The following ZNF573 variants were observed in gnomAD, a reference collection of about 807,000 sequenced individuals.
The protein encoded by ZNF573 is zinc finger protein 573.
A neutral mutation model predicts 57.4 loss-of-function variants in ZNF573; 41 were observed. That is an observed-to-expected ratio of 0.71 (90% CI 0.56 to 0.93). ZNF573 has a LOEUF of 0.93. ZNF573 is among the 40% of genes least tolerant of loss of function. The pLI is 0.00. For missense variants in ZNF573, 730 were observed against 794.8 expected (o/e 0.92, Z 0.98); for synonymous variants, 249 against 261.0 (o/e 0.95, Z 0.44).
chr19:37,761,680 A>G (rs2045554839), intron 4 of ZNF573, among the ~76,000 whole-genome samples: 1 of 152,206 alleles, frequency 6.6e-6, no homozygotes, highest in Admixed American at 6.5e-5. Context: ...GAACCTAGAC[A>G]GACAGGCCTT....
intron 4 of ZNF573, among the ~76,000 whole-genome samples, chr19:37,744,632 T>C (rs1428447869): frequency 1.3e-5 from 2 of 150,906 alleles, no homozygotes; most frequent in Non-Finnish European, 2.9e-5. Flanking sequence ...TCCCAGATAT[T>C]CGGGAGGGCA....
chr19:37,778,173 G>A (rs2045728796), intron 1 of ZNF573, among the ~76,000 whole-genome samples: 1 of 151,224 alleles, frequency 6.6e-6, no homozygotes, highest in East Asian at 2.0e-4. Context: ...TTGGTAAATT[G>A]GGAGAAAATG....
At position 37,769,993 on chromosome 19, in the gene ZNF573, T is replaced by C; in HGVS notation, c.295+12A>G. The C allele has an allele frequency of 6.5e-7, 1 of 1,550,130 alleles. No individual in the cohort carries two copies. The highest frequency in any genetic ancestry group is 1.2e-5 in the South Asian group (1 of 84,030). Reference sequence around the variant, plus strand: ...TGTGGCCGGCCCTGATGGTGTCCCCTGCCTTCCTTACCTGTGAACTGTGTT... The same window carrying C: ...TGTGGCCGGCCCTGATGGTGTCCCCCGCCTTCCTTACCTGTGAACTGTGTT... On this transcript the variant is annotated intron_variant, in intron 4 of 4. Coordinates refer to ENST00000536220, the MANE Select transcript of ZNF573 (RefSeq NM_001172690.2).
rs759873364 is a variant in ZNF573 at position 37,767,101 on chromosome 19, C to T, written c.295+2904G>A. On this transcript the variant is annotated intron_variant, in intron 4 of 4. Coordinates refer to ENST00000536220, the MANE Select transcript of ZNF573 (RefSeq NM_001172690.2). The stretch of plus-strand genomic sequence containing the variant: ...ATTTATAGGAGCATTGTGACCTGAC[C>T]GAGGACAACGTTGTGCAACCTTCTC... 2.6e-4 allele frequency among the ~76,000 whole-genome samples: 39 copies of T among 152,236 alleles called. 1 individual carries two copies. Among genetic ancestry groups the T allele is most frequent in the Middle Eastern group, 3.4e-3 (1 of 294 alleles).
chr19:37,738,615 A>G lies in ZNF573; in HGVS notation c.1875T>C (p.Leu625=). 1.2e-6 allele frequency: 2 copies of G among 1,611,708 alleles called. No homozygotes were observed. The highest frequency in any genetic ancestry group is 1.7e-6 in the Non-Finnish European group (2 of 1,178,960). The change falls in exon 5 of 5, where the codon CTT becomes CTC. Residue 625 remains leucine (L), a synonymous_variant. Coordinates refer to ENST00000536220, the MANE Select transcript of ZNF573 (RefSeq NM_001172690.2). ...CGKAFSRASN[L]VQHERIHTGE... ...CAGTATGAATTCTCTCATGTTGAACAAGGTTTGAAGCACGACTGAAGGCCT... is the reference window on the plus strand; with the variant it reads ...CAGTATGAATTCTCTCATGTTGAACGAGGTTTGAAGCACGACTGAAGGCCT...
chr19:37,750,236 C>A (rs1259029254), intron 4 of ZNF573, among the ~76,000 whole-genome samples: 3 of 152,034 alleles, frequency 2.0e-5, no homozygotes. Context: ...GCCTGCGCCA[C>A]CATGCCTCAC....
At chr19:37,770,860 A>ATATATATATATATATATATG (rs1568424276) in intron 3 of ZNF573, among the ~76,000 whole-genome samples, 18 of 101,080 alleles carry the variant, frequency 1.8e-4, no homozygotes, top group South Asian at 1.2e-3. Flanking sequence ...ATATATATAT[A>ATATATATATATATATATATG]TATATATATA....
intron 4 of ZNF573, among the ~76,000 whole-genome samples, chr19:37,767,381 A>C (rs901722581): frequency 6.6e-6 from 1 of 151,804 alleles, no homozygotes; most frequent in African/African-American, 2.4e-5. Context: ...GGCGCCCGCC[A>C]CCACGCCCAC....
At position 37,739,251 on chromosome 19, in the gene ZNF573, G is replaced by A. The variant is rs148621742; in HGVS notation, c.1239C>T (p.Pro413=). ...CCTTTCCGCATTCCTTGCATTCATAGGGTTTCTCGCCAGTATGAGTTTTCT... is the reference window on the plus strand; with the variant it reads ...CCTTTCCGCATTCCTTGCATTCATAAGGTTTCTCGCCAGTATGAGTTTTCT... ...QHQKTHTGEK[P]YECKECGKAF... The change falls in exon 5 of 5, where the codon CCC becomes CCT. Residue 413 remains proline, a synonymous_variant. Coordinates refer to ENST00000536220, the MANE Select transcript of ZNF573 (RefSeq NM_001172690.2). 7.7e-5 allele frequency: 124 copies of A among 1,613,776 alleles called. No homozygotes were observed. The African/African-American group carries it at 1.4e-3, about 19-fold the overall frequency.
At chr19:37,743,319 C>CAAAAAAAAAA (rs74174484) in intron 4 of ZNF573, among the ~76,000 whole-genome samples, 1 of 99,972 alleles carries the variant, frequency 1.0e-5, no homozygotes, top group Non-Finnish European at 1.9e-5. Flanking sequence ...GAATCCATCT[C>CAAAAAAAAAA]AAAAAAAAAA....
chr19:37,775,635 G>A (rs1225483525), intron 1 of ZNF573, among the ~76,000 whole-genome samples: 1 of 151,924 alleles, frequency 6.6e-6, no homozygotes, highest in African/African-American at 2.4e-5. Context: ...TTGATTAAGA[G>A]GAAGTCAAAC....
intron 4 of ZNF573, among the ~76,000 whole-genome samples, chr19:37,766,002 T>C (rs2045598663): frequency 6.6e-6 from 1 of 151,766 alleles, no homozygotes; most frequent in Non-Finnish European, 1.5e-5. Flanking sequence ...ATCACACCAT[T>C]GCATTTCAGC....
intron 4 of ZNF573, among the ~76,000 whole-genome samples, chr19:37,751,069 T>C (rs551827050): frequency 2.7e-5 from 4 of 149,704 alleles, no homozygotes; most frequent in Admixed American, 2.0e-4. Context: ...TATAGTATGG[T>C]ATATATACTG....
intron 4 of ZNF573, among the ~76,000 whole-genome samples, chr19:37,757,666 A>G (rs2045502687): frequency 6.6e-6 from 1 of 152,204 alleles, no homozygotes; most frequent in African/African-American, 2.4e-5. Flanking sequence ...TAGAAATACC[A>G]TTTGACCCAG....
At chr19:37,772,883 C>T (rs1168653220) in intron 2 of ZNF573, 2 of 917,360 alleles carry the variant, frequency 2.2e-6, no homozygotes, top group South Asian at 5.0e-5. Context: ...GATCCTCCCG[C>T]CTTGGCCTCC....
At chr19:37,755,872 G>A (rs549790168) in intron 4 of ZNF573, among the ~76,000 whole-genome samples, 1 of 148,804 alleles carries the variant, frequency 6.7e-6, no homozygotes, top group Admixed American at 6.7e-5. Flanking sequence ...AATGCAGTAA[G>A]AATAAAAGGC....
At chr19:37,766,447 T>C (rs1460217800) in intron 4 of ZNF573, among the ~76,000 whole-genome samples, 4 of 152,240 alleles carry the variant, frequency 2.6e-5, no homozygotes. Flanking sequence ...TCATTGTTCA[T>C]TACTGGAAGT....
intron 4 of ZNF573, among the ~76,000 whole-genome samples, chr19:37,752,977 G>A (rs1445570516): frequency 6.6e-6 from 1 of 152,032 alleles, no homozygotes; most frequent in Admixed American, 6.6e-5. Context: ...ATTTCAGGCT[G>A]GGTGTGGTAA....
At position 37,739,933 on chromosome 19, in the gene ZNF573, C is replaced by T. The variant is rs1314356869; in HGVS notation, c.557G>A (p.Gly186Asp). ...QLTLHQRFHT[G>D]EKPYECTECG... The stretch of plus-strand genomic sequence containing the variant: ...TTCTGTACATTCATAGGGTTTCTCA[C>T]CAGTATGAAATCTTTGATGTAGAGT... Residue 186 changes from glycine to aspartate, a missense_variant, in exon 5 of 5, where the codon GGT (glycine) becomes GAT (aspartate). Transcript: ENST00000536220. 6.2e-7 allele frequency: 1 copy of T among 1,614,184 alleles called. No homozygotes were observed. Among genetic ancestry groups the T allele is most frequent in the Non-Finnish European group, 8.5e-7 (1 of 1,180,028 alleles).
Sources: gnomAD v4.1 joint callset for allele counts (sites outside exome capture counted in the v4.1 genomes callset) on GRCh38, gnomAD v4.1.1 for gene constraint, MANE v1.5 for transcripts, NCBI Gene and HGNC (gene_info 2026-07-23, HGNC 2026-07-21) for gene names.